Variants in GNA14 observed in about 807,000 individuals in gnomAD.
GNA14 encodes G protein subunit alpha 14.
In GNA14, 50 loss-of-function variants were observed where a neutral mutation model predicts 42.0. That is an observed-to-expected ratio of 1.19 (90% CI 0.95 to 1.51). The LOEUF is 1.51. Among genes scored for constraint, GNA14 ranks in the 40% most tolerant of loss-of-function variants. The pLI is 0.00. For missense variants in GNA14, 473 were observed against 446.2 expected, an observed-to-expected ratio of 1.06 and a Z score of -0.54; for synonymous variants, 173 against 163.1, an observed-to-expected ratio of 1.06 and a Z score of -0.46.
chr9:77,452,576 GC>G (rs1835924221), intron 2 of GNA14, among the ~76,000 whole-genome samples: 1 of 132,022 alleles, frequency 7.6e-6, no homozygotes, highest in Non-Finnish European at 1.6e-5. Context: ...GTGTGTATGT[GC>G]ATGTGTATGT....
At chr9:77,509,433 G>GAC (rs1837123962) in intron 2 of GNA14, among the ~76,000 whole-genome samples, 1 of 152,178 alleles carries the variant, frequency 6.6e-6, no homozygotes, top group South Asian at 2.1e-4. Flanking sequence ...AGCTCTTTGA[G>GAC]ACCCTGTTTC....
chr9:77,447,907 G>A (rs1047960590), intron 2 of GNA14, among the ~76,000 whole-genome samples: 2 of 152,200 alleles, frequency 1.3e-5, no homozygotes, highest in Admixed American at 6.5e-5. Flanking sequence ...GTGTTCAGGT[G>A]GAAGGTGGAA....
At chr9:77,440,749 C>T (rs953242533) in intron 2 of GNA14, among the ~76,000 whole-genome samples, 1 of 152,064 alleles carries the variant, frequency 6.6e-6, no homozygotes, top group African/African-American at 2.4e-5. Context: ...TGCAGTCTTG[C>T]TCTGTCCCCA....
chr9:77,464,264 G>T (rs62571503), intron 2 of GNA14, among the ~76,000 whole-genome samples: 23,512 of 152,028 alleles, frequency 0.15, 2,417 homozygotes, highest in East Asian at 0.38. Context: ...GGCTCCCAAA[G>T]TCCTGGGATT....
rs370976823 is a variant in GNA14 at position 77,531,445 on chromosome 9, C to T, written c.125-2192G>A. Among the ~76,000 whole-genome samples the T allele has an allele frequency of 2.5e-3, 377 of 152,270 alleles. 2 individuals carry two copies. Among genetic ancestry groups the T allele is most frequent in the African/African-American group, 8.5e-3 (355 of 41,546 alleles). ...GACCTTATACTGTCCAAGCTTGATT[C>T]AAAGTCCCAAGTCAGATTAGCTCTC... On this transcript the variant is annotated intron_variant, in intron 1 of 6. Transcript: ENST00000341700.
intron 1 of GNA14, among the ~76,000 whole-genome samples, chr9:77,603,651 A>T (rs115023752): frequency 2.6e-3 from 394 of 152,204 alleles, no homozygotes; most frequent in Non-Finnish European, 4.3e-3. Flanking sequence ...AAGGGCAGCC[A>T]GCAATGTGTC....
In GNA14 at chr9:77,489,094, C is replaced by A. The variant is rs140764543; in HGVS notation, c.309+39975G>T. Among the ~76,000 whole-genome samples the A allele has an allele frequency of 6.6e-3, 1,002 of 152,024 alleles. 5 individuals carry two copies. The highest frequency in any genetic ancestry group is 0.01 in the Non-Finnish European group (693 of 67,964). ...CACAGAGATTAAAATAATAAAGAAT[C>A]AATCAAATCATGGAACTGAGCAATA... On this transcript the variant is annotated intron_variant, in intron 2 of 6. Transcript: ENST00000341700.
chr9:77,492,844 T>TA (rs1320511048), intron 2 of GNA14, among the ~76,000 whole-genome samples: 9 of 150,562 alleles, frequency 6.0e-5, no homozygotes, highest in African/African-American at 2.2e-4. Context: ...CAGCTAAAAA[T>TA]ACAAAAATTA....
Position 77,579,934 on chromosome 9 carries a change from A to T in GNA14, c.125-50681T>A, listed in dbSNP as rs139189814. 2.5e-3 allele frequency among the ~76,000 whole-genome samples: 386 copies of T among 152,276 alleles called. 4 individuals carry two copies. Among genetic ancestry groups the T allele is most frequent in the African/African-American group, 8.6e-3 (356 of 41,540 alleles). On this transcript the variant is annotated intron_variant, in intron 1 of 6. Transcript: ENST00000341700. The stretch of plus-strand genomic sequence containing the variant: ...CACACTTGAATCTAGTCATTTATTC[A>T]TTCAAAATCTATTAAGAACCTATTA...
In GNA14 at chr9:77,425,643, T is replaced by C. The variant is rs1235175441; in HGVS notation, c.796A>G (p.Ile266Val). The C allele has an allele frequency of 6.2e-7, 1 of 1,609,000 alleles. No homozygotes were observed. The highest frequency in any genetic ancestry group is 1.7e-5 in the Admixed American group (1 of 59,984). The change falls in exon 6 of 7, where the codon ATT (isoleucine) becomes GTT (valine). Residue 266 changes from isoleucine to valine, a missense_variant. Coordinates refer to ENST00000341700, the MANE Select transcript of GNA14 (RefSeq NM_004297.4). The stretch of plus-strand genomic sequence containing the variant: ...AGATCCTTCTTGTTCAAGAATAAAA[T>C]CACAGACGAATTCAGAAACCAGGGG... ...TYPWFLNSSV[I>V]LFLNKKDLLE...
At chr9:77,615,903 A>G (rs1391595247) in intron 1 of GNA14, among the ~76,000 whole-genome samples, 1 of 151,902 alleles carries the variant, frequency 6.6e-6, no homozygotes, top group Non-Finnish European at 1.5e-5. Context: ...TAGATAACAT[A>G]GAGTCAAAGG....
chr9:77,493,026 A>AAAAATATATAT (rs1554691641), intron 2 of GNA14, among the ~76,000 whole-genome samples: 1 of 51,720 alleles, frequency 1.9e-5, no homozygotes, highest in African/African-American at 1.1e-4. Flanking sequence ...AAAAAAAAAA[A>AAAAATATATAT]ATATATATAT....
At chr9:77,520,099 A>AT (rs941193784) in intron 2 of GNA14, among the ~76,000 whole-genome samples, 16 of 152,250 alleles carry the variant, frequency 1.1e-4, no homozygotes, top group South Asian at 8.3e-4. Flanking sequence ...CCTTAAATTT[A>AT]TTTTTTTTAA....
chr9:77,548,555 T>C (rs916056975), intron 1 of GNA14, among the ~76,000 whole-genome samples: 2 of 152,202 alleles, frequency 1.3e-5, no homozygotes, highest in Admixed American at 6.5e-5. Flanking sequence ...GGAGGACTTT[T>C]ACAGAAATGA....
At chr9:77,624,210 GC>G (rs1823978568) in intron 1 of GNA14, among the ~76,000 whole-genome samples, 1 of 152,198 alleles carries the variant, frequency 6.6e-6, no homozygotes, top group Non-Finnish European at 1.5e-5. Flanking sequence ...TGGCCAGACT[GC>G]CTGTCTAGAT....
intron 1 of GNA14, among the ~76,000 whole-genome samples, chr9:77,612,772 G>T (rs940341056): frequency 6.6e-6 from 1 of 151,998 alleles, no homozygotes; most frequent in Admixed American, 6.6e-5. Context: ...AAAACAGTAT[G>T]GAGGTTTCTC....
intron 2 of GNA14, among the ~76,000 whole-genome samples, chr9:77,488,966 A>G (rs917161436): frequency 6.6e-6 from 1 of 152,138 alleles, no homozygotes; most frequent in African/African-American, 2.4e-5. Flanking sequence ...AGATGGCAAT[A>G]TACAAACCGT....
intron 1 of GNA14, among the ~76,000 whole-genome samples, chr9:77,625,022 G>A (rs796637886): frequency 2.0e-5 from 3 of 151,788 alleles, no homozygotes; most frequent in Admixed American, 1.3e-4. Context: ...AAGGCTATAC[G>A]AATTGCTAAC....
At chr9:77,635,670 T>C (rs1824173230) in intron 1 of GNA14, among the ~76,000 whole-genome samples, 1 of 152,230 alleles carries the variant, frequency 6.6e-6, no homozygotes, top group Non-Finnish European at 1.5e-5. Flanking sequence ...ATGTGTATAT[T>C]TACTATGGTG....
Sources: gnomAD v4.1 joint callset for allele counts (sites outside exome capture counted in the v4.1 genomes callset) on GRCh38, gnomAD v4.1.1 for gene constraint, MANE v1.5 for transcripts, NCBI Gene and HGNC (gene_info 2026-07-23, HGNC 2026-07-21) for gene names.